The following ARHGAP31 variants were observed in gnomAD, a reference collection of about 807,000 sequenced individuals.
ARHGAP31 encodes rho GTPase-activating protein 31.
A neutral mutation model predicts 113.9 loss-of-function variants in ARHGAP31; 34 were observed. That is an observed-to-expected ratio of 0.30 (90% confidence interval 0.23 to 0.40). ARHGAP31 has a LOEUF of 0.40. Among genes scored for constraint, ARHGAP31 ranks in the 10% least tolerant of loss-of-function variants. The probability of loss-of-function intolerance (pLI) is 1.00; values close to 1 mark genes in which losing one functional copy is unlikely to be tolerated. For missense variants in ARHGAP31, 1,548 were observed against 1,767.1 expected (o/e 0.88, Z 2.22); for synonymous variants, 650 against 684.8 (o/e 0.95, Z 0.79).
At chr3:119,409,046 C>T (rs967401254) in intron 10 of ARHGAP31, among the ~76,000 whole-genome samples, 11 of 152,170 alleles carry the variant, frequency 7.2e-5, no homozygotes, top group South Asian at 2.1e-4. Context: ...GGTGTCTCAA[C>T]TTCAGCACTA....
intron 6 of ARHGAP31, among the ~76,000 whole-genome samples, chr3:119,386,263 TA>T (rs149036694): frequency 3.9e-5 from 6 of 151,938 alleles, no homozygotes; most frequent in African/African-American, 1.5e-4. Flanking sequence ...TGGGCTGCTA[TA>T]AAAAAAATAC....
chr3:119,359,855 T>C (rs1316437399), intron 1 of ARHGAP31, among the ~76,000 whole-genome samples: 1 of 151,710 alleles, frequency 6.6e-6, no homozygotes, highest in African/African-American at 2.4e-5. Context: ...CACAGCAAAA[T>C]TGTTTAAAAA....
At chr3:119,384,160 A>G (rs946462205) in intron 6 of ARHGAP31, among the ~76,000 whole-genome samples, 4 of 152,232 alleles carry the variant, frequency 2.6e-5, no homozygotes, top group African/African-American at 9.6e-5. Flanking sequence ...AAAAACAGAT[A>G]TCAGAATAAT....
At chr3:119,400,772 G>A (rs2080597423) in intron 9 of ARHGAP31, among the ~76,000 whole-genome samples, 1 of 152,190 alleles carries the variant, frequency 6.6e-6, no homozygotes, top group South Asian at 2.1e-4. Context: ...TTAGTGCTTA[G>A]TACCAAGTTA....
intron 1 of ARHGAP31, chr3:119,325,009 A>G: frequency 2.2e-6 from 1 of 455,982 alleles, no homozygotes; most frequent in Non-Finnish European, 4.4e-6. Context: ...GTGTGGACTT[A>G]TATGATGCCG....
chr3:119,381,814 G>A (rs776268853), intron 4 of ARHGAP31, among the ~76,000 whole-genome samples: 10 of 151,972 alleles, frequency 6.6e-5, no homozygotes, highest in Admixed American at 4.6e-4. Flanking sequence ...GTGAAACCCC[G>A]TCTCTACCAA....
At chr3:119,359,984 G>A (rs1345096085) in intron 1 of ARHGAP31, among the ~76,000 whole-genome samples, 2 of 151,958 alleles carry the variant, frequency 1.3e-5, no homozygotes, top group East Asian at 1.9e-4. Flanking sequence ...TTTGCCCACC[G>A]GCAGCTCTTG....
chr3:119,404,485 C>G (rs1482272051), intron 10 of ARHGAP31, among the ~76,000 whole-genome samples: 5 of 152,134 alleles, frequency 3.3e-5, no homozygotes, highest in African/African-American at 4.8e-5. Flanking sequence ...GTCCCCTCAC[C>G]CTGCTCTCTG....
intron 1 of ARHGAP31, among the ~76,000 whole-genome samples, chr3:119,339,234 A>G (rs575649303): frequency 3.3e-5 from 5 of 152,218 alleles, no homozygotes; most frequent in East Asian, 1.9e-4. Context: ...AGGTTGGTCA[A>G]TAGTTTCAGG....
intron 1 of ARHGAP31, among the ~76,000 whole-genome samples, chr3:119,361,510 T>A (rs569437309): frequency 1.3e-5 from 2 of 152,092 alleles, no homozygotes; most frequent in South Asian, 4.1e-4. Flanking sequence ...GGCTCCCAAG[T>A]AGCTGGGAGT....
At chr3:119,302,564 T>G (rs531303480) in intron 1 of ARHGAP31, among the ~76,000 whole-genome samples, 1 of 152,370 alleles carries the variant, frequency 6.6e-6, no homozygotes, top group Non-Finnish European at 1.5e-5. Context: ...GTTGATTGCT[T>G]ACTCTGTGCC....
At chr3:119,409,080 C>T (rs2080691082) in intron 10 of ARHGAP31, among the ~76,000 whole-genome samples, 1 of 152,238 alleles carries the variant, frequency 6.6e-6, no homozygotes, top group East Asian at 1.9e-4. Flanking sequence ...CTGGATAAGT[C>T]TTTGTTGTGG....
In ARHGAP31 at chr3:119,321,585, C is replaced by A. The variant is rs555952883; in HGVS notation, c.100+26581C>A. 1.4e-3 allele frequency among the ~76,000 whole-genome samples: 210 copies of A among 150,740 alleles called. 7 individuals are homozygous for A. In the South Asian group the frequency reaches 0.042, roughly 30 times the overall value. ...TATATATATATGATTTTGTGTCTTG[C>A]TTTCTTATAACCGAAGTCTTTATTC... On this transcript the variant is annotated intron_variant, in intron 1 of 11. Transcript: ENST00000264245.
chr3:119,298,392 T>C (rs2079551953), intron 1 of ARHGAP31, among the ~76,000 whole-genome samples: 1 of 152,158 alleles, frequency 6.6e-6, no homozygotes, highest in South Asian at 2.1e-4. Context: ...CTGTCTGTGG[T>C]TGGGAGGTTG....
intron 1 of ARHGAP31, among the ~76,000 whole-genome samples, chr3:119,357,847 T>C (rs1366499869): frequency 6.6e-6 from 1 of 152,242 alleles, no homozygotes; most frequent in East Asian, 1.9e-4. Context: ...TTCTCATCTA[T>C]AACAATAAGA....
intron 1 of ARHGAP31, chr3:119,341,898 T>C (rs920948339): frequency 1.3e-5 from 2 of 152,064 alleles, no homozygotes; most frequent in African/African-American, 4.8e-5. Flanking sequence ...TAATCTTCTC[T>C]GTATGGTTCC....
chr3:119,399,458 T>G (rs568987461), intron 9 of ARHGAP31, among the ~76,000 whole-genome samples, 197 bp downstream of exon 9: 96 of 152,374 alleles, frequency 6.3e-4, no homozygotes, highest in African/African-American at 2.3e-3. Context: ...ACTCCAGGGC[T>G]AGGCCTAAAG....
chr3:119,365,513 G>A, intron 2 of ARHGAP31, 95 bp downstream of exon 2: 2 of 1,069,798 alleles, frequency 1.9e-6, no homozygotes, highest in South Asian at 2.6e-5. Context: ...AAAACCCAAA[G>A]GAACTGAGGG....
intron 1 of ARHGAP31, among the ~76,000 whole-genome samples, chr3:119,348,505 A>G (rs1168666388): frequency 6.6e-6 from 1 of 152,230 alleles, no homozygotes; most frequent in Non-Finnish European, 1.5e-5. Flanking sequence ...AATCCTAAAA[A>G]GAGTTGTCTC....
Sources: allele counts gnomAD v4.1 joint callset (sites outside exome capture counted in the v4.1 genomes callset), GRCh38; gene constraint gnomAD v4.1.1; transcripts MANE v1.5; gene names NCBI Gene and HGNC (gene_info 2026-07-23, HGNC 2026-07-21).